Variants in HTR4 observed in about 807,000 individuals in gnomAD.
HTR4 encodes 5-hydroxytryptamine receptor 4, also known as 5-hydroxytryptamine (serotonin) receptor 4, G protein-coupled.
A neutral mutation model predicts 36.8 loss-of-function variants in HTR4; 16 were observed. The observed-to-expected ratio is 0.43, with a 90% CI of 0.29 to 0.66. HTR4 has a LOEUF of 0.66. Among genes scored for constraint, HTR4 ranks in the 30% least tolerant of loss-of-function variants. The pLI is 0.13. For synonymous variants in HTR4, 189 were observed against 185.1 expected, an observed-to-expected ratio of 1.02 and a Z score of -0.17; for missense variants, 438 against 490.9, an observed-to-expected ratio of 0.89 and a Z score of 1.02.
chr5:148,635,914 A>G (rs747935973), intron 2 of HTR4, among the ~76,000 whole-genome samples: 2 of 152,192 alleles, frequency 1.3e-5, no homozygotes, highest in Non-Finnish European at 2.9e-5. Flanking sequence ...TTTTATTGAG[A>G]GTGTAAAATG....
intron 2 of HTR4, among the ~76,000 whole-genome samples, chr5:148,607,997 T>C (rs542384903): frequency 9.5e-4 from 145 of 152,224 alleles, no homozygotes; most frequent in African/African-American, 3.2e-3. Context: ...ACGGCTAAGA[T>C]GAGGAATGGT....
At chr5:148,594,791 TGTAAGTCTCCATGAA>T (rs1327042265) in intron 2 of HTR4, among the ~76,000 whole-genome samples, 1 of 152,196 alleles carries the variant, frequency 6.6e-6, no homozygotes, top group East Asian at 1.9e-4. Context: ...ACCCTAATCT[TGTAAGTCTCCATGAA>T]GTTCTATGGC....
chr5:148,485,444 CT>C (rs1756104405), intron 6 of HTR4, among the ~76,000 whole-genome samples: 1 of 152,172 alleles, frequency 6.6e-6, no homozygotes, highest in Non-Finnish European at 1.5e-5. Context: ...CTCGCTGTCT[CT>C]AGCATTTCTT....
chr5:148,465,616 G>A (rs940225826), intron 5 of HTR4, among the ~76,000 whole-genome samples: 70 of 152,034 alleles, frequency 4.6e-4, no homozygotes, highest in African/African-American at 1.6e-3. Context: ...TGTGAAGGCC[G>A]TGCTCCCAGA....
At chr5:148,543,418 C>T (rs565235269) in intron 4 of HTR4, among the ~76,000 whole-genome samples, 11 of 152,244 alleles carry the variant, frequency 7.2e-5, no homozygotes, top group African/African-American at 2.2e-4. Flanking sequence ...GTTATTTGAA[C>T]GATCAATTTA....
intron 5 of HTR4, among the ~76,000 whole-genome samples, chr5:148,467,310 T>C (rs1755453582): frequency 1.3e-5 from 2 of 152,238 alleles, no homozygotes; most frequent in South Asian, 4.1e-4. Context: ...AATTATTTAA[T>C]TATGATCCTA....
At chr5:148,649,000 A>G (rs1753954070) in intron 1 of HTR4, among the ~76,000 whole-genome samples, 2 of 152,180 alleles carry the variant, frequency 1.3e-5, no homozygotes, top group Non-Finnish European at 2.9e-5. Context: ...GGCTTTTATT[A>G]TGTATAACCA....
At chr5:148,634,857 A>T (rs1241097250) in intron 2 of HTR4, among the ~76,000 whole-genome samples, 1 of 152,080 alleles carries the variant, frequency 6.6e-6, no homozygotes, top group Non-Finnish European at 1.5e-5. Flanking sequence ...CAGGCTTTTC[A>T]ATTCTCACCT....
intron 6 of HTR4, among the ~76,000 whole-genome samples, chr5:148,500,717 A>G (rs1756898921): frequency 6.6e-6 from 1 of 152,176 alleles, no homozygotes; most frequent in Admixed American, 6.5e-5. Flanking sequence ...GATGCACTTT[A>G]TATAAGAATA....
At chr5:148,641,707 C>T (rs1753735823) in intron 1 of HTR4, among the ~76,000 whole-genome samples, 1 of 152,152 alleles carries the variant, frequency 6.6e-6, no homozygotes, top group Non-Finnish European at 1.5e-5. Context: ...AAGAGCTTAT[C>T]TTATTTATGC....
At chr5:148,465,855 A>G (rs1755412772) in intron 5 of HTR4, 1 of 1,611,114 alleles carries the variant, frequency 6.2e-7, no homozygotes, top group Non-Finnish European at 8.5e-7. Flanking sequence ...CTTACAGAGC[A>G]CTTTCAGAGT....
chr5:148,583,696 A>T (rs998263932), intron 2 of HTR4, among the ~76,000 whole-genome samples: 1 of 152,120 alleles, frequency 6.6e-6, no homozygotes, highest in African/African-American at 2.4e-5. Flanking sequence ...AAAAGTGTCC[A>T]GTAGCACCTA....
chr5:148,638,438 A>T (rs939333619), intron 1 of HTR4, among the ~76,000 whole-genome samples: 1 of 152,138 alleles, frequency 6.6e-6, no homozygotes, highest in African/African-American at 2.4e-5. Flanking sequence ...TCTATCTAAA[A>T]TTTTTCCTGA....
intron 2 of HTR4, among the ~76,000 whole-genome samples, chr5:148,568,292 C>A (rs886980471): frequency 2.6e-5 from 4 of 152,090 alleles, no homozygotes; most frequent in Non-Finnish European, 5.9e-5. Context: ...ATAAGCATTG[C>A]AATTTTCATT....
intron 5 of HTR4, among the ~76,000 whole-genome samples, chr5:148,456,683 A>C (rs17639006): frequency 0.083 from 12,685 of 152,260 alleles, 696 homozygotes; most frequent in Non-Finnish European, 0.12. Flanking sequence ...AGAAAATGTG[A>C]GTTTCCTAGG....
chr5:148,579,140 T>C (rs1761039743), intron 2 of HTR4, among the ~76,000 whole-genome samples: 1 of 152,148 alleles, frequency 6.6e-6, no homozygotes, highest in South Asian at 2.1e-4. Context: ...ATTAAGGAAC[T>C]GTACATAAGT....
chr5:148,465,813 A>T, intron 5 of HTR4: 4 of 1,595,080 alleles, frequency 2.5e-6, no homozygotes, highest in Non-Finnish European at 3.4e-6. Flanking sequence ...AAATAGGCAG[A>T]CACAGACAGA....
At chr5:148,635,019 TA>T (rs1234639492) in intron 2 of HTR4, among the ~76,000 whole-genome samples, 1 of 152,152 alleles carries the variant, frequency 6.6e-6, no homozygotes, top group Non-Finnish European at 1.5e-5. Context: ...GTGATTTTTT[TA>T]ACATTCCCTT....
At chr5:148,572,209 A>G (rs899857078) in intron 2 of HTR4, among the ~76,000 whole-genome samples, 2 of 152,100 alleles carry the variant, frequency 1.3e-5, no homozygotes, top group African/African-American at 4.8e-5. Context: ...TGGAATAAAG[A>G]ACAGTTATTC....
Sources: gnomAD v4.1 joint callset for allele counts (sites outside exome capture counted in the v4.1 genomes callset) on GRCh38, gnomAD v4.1.1 for gene constraint, MANE v1.5 for transcripts, NCBI Gene and HGNC (gene_info 2026-07-23, HGNC 2026-07-21) for gene names.